The following ADD1 variants were observed in gnomAD, a reference collection of about 807,000 sequenced individuals.
ADD1 encodes adducin 1.
A neutral mutation model predicts 80.5 loss-of-function variants in ADD1; 24 were observed. The ratio of observed to expected loss-of-function variants is 0.30; its 90% CI spans 0.22 to 0.42. ADD1 has a LOEUF of 0.42. Ranked by LOEUF, ADD1 falls within the 10% of genes least tolerant of loss-of-function variation. ADD1 has a pLI of 1.00. For synonymous variants in ADD1, 373 were observed against 393.8 expected, an observed-to-expected ratio of 0.95 and a Z score of 0.63; for missense variants, 948 against 1,019.0, an observed-to-expected ratio of 0.93 and a Z score of 0.95.
chr4:2,876,137 C>T, intron 2 of ADD1, 27 bp downstream of exon 2: 1 of 1,589,048 alleles, frequency 6.3e-7, no homozygotes, highest in Non-Finnish European at 8.6e-7. Flanking sequence ...TTTCTCTGAC[C>T]AGATGTCATC....
intron 14 of ADD1, among the ~76,000 whole-genome samples, chr4:2,923,888 T>C (rs551027649): frequency 7.2e-5 from 11 of 152,388 alleles, no homozygotes; most frequent in African/African-American, 2.4e-4. Context: ...AGAAGCGCAC[T>C]GCCTTCCTCA....
At chr4:2,892,251 T>C (rs1026272114) in intron 4 of ADD1, among the ~76,000 whole-genome samples, 2 of 152,200 alleles carry the variant, frequency 1.3e-5, no homozygotes, top group Non-Finnish European at 2.9e-5. Flanking sequence ...GCTCCAACTG[T>C]CCGACCCTAG....
chr4:2,925,141 G>A (rs1001780603), intron 14 of ADD1, among the ~76,000 whole-genome samples: 1 of 152,198 alleles, frequency 6.6e-6, no homozygotes, highest in East Asian at 1.9e-4. Context: ...AATGCAGGCT[G>A]GCTGCCAGAG....
At chr4:2,925,836 TC>T (rs1740872040) in intron 14 of ADD1, among the ~76,000 whole-genome samples, 177 bp from the exon 15 acceptor site, 1 of 152,204 alleles carries the variant, frequency 6.6e-6, no homozygotes, top group South Asian at 2.1e-4. Flanking sequence ...TTCGCATCAG[TC>T]AACACCCAGG....
At chr4:2,915,647 A>C (rs1738876613) in intron 14 of ADD1, among the ~76,000 whole-genome samples, 1 of 152,048 alleles carries the variant, frequency 6.6e-6, no homozygotes, top group Non-Finnish European at 1.5e-5. Flanking sequence ...TCTCAAAATA[A>C]ATACATAAAT....
chr4:2,856,746 A>G (rs1217552898), intron 1 of ADD1, among the ~76,000 whole-genome samples: 2 of 149,182 alleles, frequency 1.3e-5, no homozygotes, highest in African/African-American at 2.5e-5. Flanking sequence ...GTGCACCACC[A>G]TATCTGGCTA....
intron 1 of ADD1, among the ~76,000 whole-genome samples, chr4:2,869,942 C>CAT (rs1450089139): frequency 4.6e-5 from 7 of 152,146 alleles, no homozygotes; most frequent in Non-Finnish European, 8.8e-5. Context: ...TCATTATTAG[C>CAT]TGACAATCAA....
intron 11 of ADD1, 38 bp from the exon 12 acceptor site, chr4:2,908,477 C>T (rs1737435830): frequency 1.3e-6 from 2 of 1,581,106 alleles, no homozygotes; most frequent in African/African-American, 1.3e-5. Context: ...CATGGCTGCT[C>T]AGGACTGTTG....
intron 15 of ADD1, 85 bp from the exon 16 acceptor site, chr4:2,928,086 T>C: frequency 8.2e-7 from 1 of 1,224,288 alleles, no homozygotes; most frequent in Non-Finnish European, 1.2e-6. Context: ...AAATGGCAGT[T>C]TCGTGTGTGG....
chr4:2,878,787 G>T (rs1311838439), intron 2 of ADD1, among the ~76,000 whole-genome samples: 1 of 152,104 alleles, frequency 6.6e-6, no homozygotes, highest in Admixed American at 6.6e-5. Flanking sequence ...TTTGCCAGAT[G>T]GTTTGGTAGA....
At chr4:2,856,170 G>A (rs1356618447) in intron 1 of ADD1, among the ~76,000 whole-genome samples, 3 of 152,016 alleles carry the variant, frequency 2.0e-5, no homozygotes, top group African/African-American at 7.2e-5. Flanking sequence ...AGGATTACAG[G>A]CATGAGCCAC....
At chr4:2,849,629 T>C (rs1560134610) in intron 1 of ADD1, among the ~76,000 whole-genome samples, 1 of 152,234 alleles carries the variant, frequency 6.6e-6, no homozygotes, top group Non-Finnish European at 1.5e-5. Context: ...CCCAAACACT[T>C]CTCTCCTTCT....
In ADD1 at chr4:2,884,626, A is replaced by G. The variant is rs777115034; in HGVS notation, c.470A>G (p.Asp157Gly). The change falls in exon 4 of 16, where the codon GAT becomes GGT. Residue 157 changes from aspartate (D) to glycine (G), a missense_variant. Physicochemically the swap from Asp to Gly is moderately conservative, Grantham distance 94. Transcript: ENST00000683351. Reference sequence around the variant, plus strand: ...TTGGCAGCGTTTTATAGACTAGCAGATCTCTTTGGGTGGTCTCAGCTTATC... The same window carrying G: ...TTGGCAGCGTTTTATAGACTAGCAGGTCTCTTTGGGTGGTCTCAGCTTATC... ...CKLAAFYRLA[D>G]LFGWSQLIYN... 1 of 1,611,524 alleles carries G rather than the reference A, an allele frequency of 6.2e-7. No homozygotes were observed. Among genetic ancestry groups the G allele is most frequent in the Non-Finnish European group, 8.5e-7 (1 of 1,178,474 alleles).
At chr4:2,886,654 A>G (rs923297889) in intron 4 of ADD1, among the ~76,000 whole-genome samples, 4 of 152,212 alleles carry the variant, frequency 2.6e-5, no homozygotes, top group Non-Finnish European at 5.9e-5. Flanking sequence ...GTAGGCATGC[A>G]GTAAACTTAG....
intron 13 of ADD1, among the ~76,000 whole-genome samples, chr4:2,914,184 CT>C (rs1738582083): frequency 6.6e-6 from 1 of 152,238 alleles, no homozygotes; most frequent in Non-Finnish European, 1.5e-5. Flanking sequence ...ACCGCACCCC[CT>C]GATGCCCACC....
intron 13 of ADD1, 41 bp from the exon 14 acceptor site, chr4:2,914,843 G>T: frequency 6.5e-7 from 1 of 1,547,422 alleles, no homozygotes; most frequent in Non-Finnish European, 8.7e-7. Flanking sequence ...AGTCCCCATC[G>T]GGCCGGGCTC....
intron 10 of ADD1, chr4:2,905,379 A>G (rs1034584337): frequency 8.2e-6 from 4 of 485,670 alleles, no homozygotes; most frequent in African/African-American, 3.8e-5. Context: ...ATTTACATGT[A>G]TTAACCTACA....
chr4:2,895,862 A>T (rs1735107251), intron 6 of ADD1, among the ~76,000 whole-genome samples: 1 of 151,836 alleles, frequency 6.6e-6, no homozygotes, highest in South Asian at 2.1e-4. Context: ...TGTACAACAG[A>T]TGACCTTATT....
At chr4:2,894,270 T>C (rs1020276666) in intron 5 of ADD1, among the ~76,000 whole-genome samples, 177 bp downstream of exon 5, 6 of 152,196 alleles carry the variant, frequency 3.9e-5, no homozygotes, top group Admixed American at 1.3e-4. Flanking sequence ...AATCTTGAGT[T>C]TGAATAGTTT....
Sources: allele counts gnomAD v4.1 joint callset (sites outside exome capture counted in the v4.1 genomes callset), GRCh38; gene constraint gnomAD v4.1.1; transcripts MANE v1.5; gene names NCBI Gene and HGNC (gene_info 2026-07-23, HGNC 2026-07-21).